AGTPBP1: variants seen among roughly 807,000 people sequenced by gnomAD.
The protein encoded by AGTPBP1 is ATP/GTP binding carboxypeptidase 1.
In AGTPBP1, 70 loss-of-function variants were observed where a neutral mutation model predicts 143.9. The ratio of observed to expected loss-of-function variants is 0.49; its 90% CI spans 0.40 to 0.59. AGTPBP1 has a LOEUF of 0.59. Ranked by LOEUF, AGTPBP1 falls within the 20% of genes least tolerant of loss-of-function variation. The pLI is 0.00. For missense variants in AGTPBP1, 1,229 were observed against 1,464.5 expected (o/e 0.84, Z 2.62); for synonymous variants, 463 against 500.2 (o/e 0.93, Z 0.99).
At chr9:85,719,697 G>C (rs1016541763) in intron 1 of AGTPBP1, among the ~76,000 whole-genome samples, 1 of 152,190 alleles carries the variant, frequency 6.6e-6, no homozygotes, top group Non-Finnish European at 1.5e-5. Flanking sequence ...TCAACACTAT[G>C]TTGAATAGGA....
chr9:85,743,754 CT>C (rs1824529162), upstream of AGTPBP1, among the ~76,000 whole-genome samples: 1 of 152,162 alleles, frequency 6.6e-6, no homozygotes, highest in Admixed American at 6.5e-5. Flanking sequence ...CCCTGTTAGC[CT>C]TTAAGCTTTG....
upstream of AGTPBP1, among the ~76,000 whole-genome samples, chr9:85,743,276 T>C (rs1375889357): frequency 1.3e-5 from 2 of 152,206 alleles, no homozygotes; most frequent in Non-Finnish European, 2.9e-5. Flanking sequence ...TAGGAAGATA[T>C]TATGTGGATG....
chr9:85,804,561 C>G, the AGTPBP1 span, among the ~76,000 whole-genome samples: 1 of 152,188 alleles, frequency 6.6e-6, no homozygotes, highest in African/African-American at 2.4e-5. Flanking sequence ...CCCTCTAACT[C>G]TGAAGCATCT....
chr9:85,675,030 G>A (rs1159442818), intron 6 of AGTPBP1, among the ~76,000 whole-genome samples: 1 of 152,020 alleles, frequency 6.6e-6, no homozygotes, highest in Non-Finnish European at 1.5e-5. Flanking sequence ...CTGAGTAGCT[G>A]GGATTACAGG....
intron 1 of AGTPBP1, among the ~76,000 whole-genome samples, chr9:85,734,553 T>TATC (rs1839109875): frequency 6.6e-6 from 1 of 152,172 alleles, no homozygotes; most frequent in Non-Finnish European, 1.5e-5. Flanking sequence ...AACTACAAGA[T>TATC]ATCACTTCGT....
At chr9:85,627,163 A>C (rs1831353559) in intron 14 of AGTPBP1, among the ~76,000 whole-genome samples, 1 of 152,228 alleles carries the variant, frequency 6.6e-6, no homozygotes, top group African/African-American at 2.4e-5. Flanking sequence ...GTTACTAATG[A>C]GTATCAACCC....
intron 12 of AGTPBP1, among the ~76,000 whole-genome samples, chr9:85,643,586 T>A (rs1832631711): frequency 6.6e-6 from 1 of 152,144 alleles, no homozygotes; most frequent in African/African-American, 2.4e-5. Flanking sequence ...AAACTCAGTG[T>A]CACCATTCAC....
chr9:85,569,157 A>G (rs1827297882), intron 25 of AGTPBP1, among the ~76,000 whole-genome samples: 1 of 152,150 alleles, frequency 6.6e-6, no homozygotes, highest in Admixed American at 6.6e-5. Context: ...AACCCAAGTG[A>G]CCTGTGTTAA....
At chr9:85,665,223 T>C (rs886100793) in intron 8 of AGTPBP1, among the ~76,000 whole-genome samples, 2 of 152,186 alleles carry the variant, frequency 1.3e-5, no homozygotes, top group South Asian at 4.1e-4. Context: ...CTGGTGCTGT[T>C]ATAAGGAGAG....
chr9:85,564,183 G>A (rs576581512), intron 25 of AGTPBP1, among the ~76,000 whole-genome samples: 1 of 152,372 alleles, frequency 6.6e-6, no homozygotes, highest in African/African-American at 2.4e-5. Flanking sequence ...CTGCAGGGAT[G>A]GAGCCTCCAC....
chr9:85,674,119 T>C (rs1834671664), intron 6 of AGTPBP1, among the ~76,000 whole-genome samples: 1 of 107,002 alleles, frequency 9.3e-6, no homozygotes, highest in African/African-American at 4.1e-5. Flanking sequence ...CAAGACTCCA[T>C]CTTAAAAAAA....
At chr9:85,782,571 G>C in the AGTPBP1 span, among the ~76,000 whole-genome samples, 5 of 152,114 alleles carry the variant, frequency 3.3e-5, no homozygotes, top group South Asian at 1.0e-3. Flanking sequence ...ACATTTTCAA[G>C]AATAATTCCC....
intron 14 of AGTPBP1, among the ~76,000 whole-genome samples, chr9:85,629,671 C>A (rs1357189445): frequency 6.6e-6 from 1 of 152,208 alleles, no homozygotes; most frequent in South Asian, 2.1e-4. Flanking sequence ...AACTATAATA[C>A]ATCTACGCTT....
chr9:85,706,491 C>T (rs1178069151), intron 2 of AGTPBP1, among the ~76,000 whole-genome samples: 1 of 135,568 alleles, frequency 7.4e-6, no homozygotes, highest in Non-Finnish European at 1.5e-5. Flanking sequence ...GCCTGGGCCA[C>T]ATGGTGGGAC....
At chr9:85,720,826 C>T (rs1838059733) in intron 1 of AGTPBP1, among the ~76,000 whole-genome samples, 1 of 152,180 alleles carries the variant, frequency 6.6e-6, no homozygotes, top group African/African-American at 2.4e-5. Context: ...TCTCTACACA[C>T]TGCTTTAAAT....
the AGTPBP1 span, among the ~76,000 whole-genome samples, chr9:85,759,177 C>A: frequency 6.6e-6 from 1 of 152,140 alleles, no homozygotes; most frequent in South Asian, 2.1e-4. Flanking sequence ...TAATGGGAGA[C>A]TTTAACACCC....
intron 6 of AGTPBP1, among the ~76,000 whole-genome samples, chr9:85,673,246 G>A (rs1472740191): frequency 2.0e-5 from 3 of 151,898 alleles, no homozygotes; most frequent in Non-Finnish European, 4.4e-5. Flanking sequence ...GGATAGGGAA[G>A]GAGGATGGAG....
At chr9:85,627,090 T>C (rs548455307) in intron 14 of AGTPBP1, among the ~76,000 whole-genome samples, 3 of 152,224 alleles carry the variant, frequency 2.0e-5, no homozygotes, top group African/African-American at 7.2e-5. Context: ...GAGAGGTGAA[T>C]CAAAAGAATT....
intron 1 of AGTPBP1, among the ~76,000 whole-genome samples, chr9:85,735,972 T>C (rs1482384983): frequency 4.6e-5 from 7 of 152,164 alleles, no homozygotes; most frequent in African/African-American, 2.4e-5. Context: ...AATTTCTCCA[T>C]AGGGCAGTTC....
Sources: gnomAD v4.1 joint callset for allele counts (sites outside exome capture counted in the v4.1 genomes callset) on GRCh38, gnomAD v4.1.1 for gene constraint, MANE v1.5 for transcripts, NCBI Gene and HGNC (gene_info 2026-07-23, HGNC 2026-07-21) for gene names.